The following BCKDHB variants were observed in gnomAD, a reference collection of about 807,000 sequenced individuals.
The protein encoded by BCKDHB is branched chain keto acid dehydrogenase E1 subunit beta, also known as 2-oxoisovalerate dehydrogenase subunit beta, mitochondrial.
A neutral mutation model predicts 48.5 loss-of-function variants in BCKDHB; 41 were observed. That is an observed-to-expected ratio of 0.85 (90% CI 0.66 to 1.10). The LOEUF is 1.10. BCKDHB is among the 50% of genes least tolerant of loss of function. The pLI is 0.00. For missense variants in BCKDHB, 496 were observed against 494.2 expected (o/e 1.00, Z -0.03); for synonymous variants, 201 against 174.8 (o/e 1.15, Z -1.18).
At chr6:80,454,841 GT>G in the BCKDHB span, among the ~76,000 whole-genome samples, 1 of 152,114 alleles carries the variant, frequency 6.6e-6, no homozygotes, top group Non-Finnish European at 1.5e-5. Flanking sequence ...GTCCTTTCTT[GT>G]TTATGCCCAA....
At chr6:80,279,185 G>A (rs1036824007) in intron 9 of BCKDHB, among the ~76,000 whole-genome samples, 8 of 151,548 alleles carry the variant, frequency 5.3e-5, no homozygotes, top group African/African-American at 1.2e-4. Flanking sequence ...TCTTGCTCTG[G>A]CTCCATCACC....
chr6:80,350,430 G>A (rs1770361706), downstream of BCKDHB, among the ~76,000 whole-genome samples: 1 of 151,794 alleles, frequency 6.6e-6, no homozygotes, highest in South Asian at 2.1e-4. Flanking sequence ...TCTGTATCCT[G>A]TGAAGGTTAA....
chr6:80,273,047 A>T, intron 8 of BCKDHB, 88 bp from the exon 9 acceptor site: 1 of 974,110 alleles, frequency 1.0e-6, no homozygotes, highest in East Asian at 2.6e-5. Flanking sequence ...GAATGTATAT[A>T]ATTTACTTTT....
rs143334310 is a variant in BCKDHB, at chr6:80,175,092, C to T, written c.742+3702C>T. Among the ~76,000 whole-genome samples, 271 of 152,176 alleles carry T rather than the reference C, an allele frequency of 1.8e-3. 1 individual carries two copies. The highest frequency in any genetic ancestry group is 6.0e-3 in the African/African-American group (251 of 41,506). Reference sequence around the variant, plus strand: ...GATAGTTCCTCAGTCATCAAGGTACCGGGCCTCTTCTCTCTGGTTACTGTG... The same window carrying T: ...GATAGTTCCTCAGTCATCAAGGTACTGGGCCTCTTCTCTCTGGTTACTGTG... On this transcript the variant is annotated intron_variant, in intron 6 of 9. Transcript: ENST00000320393.
At chr6:80,211,528 A>T (rs1774933095) in intron 8 of BCKDHB, among the ~76,000 whole-genome samples, 1 of 152,180 alleles carries the variant, frequency 6.6e-6, no homozygotes, top group Non-Finnish European at 1.5e-5. Flanking sequence ...AATCTGAGTC[A>T]TATCATGTTC....
chr6:80,385,325 C>CTAG, the BCKDHB span, among the ~76,000 whole-genome samples: 1 of 152,186 alleles, frequency 6.6e-6, no homozygotes, highest in African/African-American at 2.4e-5. Context: ...AGTGGCTGAC[C>CTAG]TGCAACTAAA....
At chr6:80,194,023 A>T (rs1774024270) in intron 6 of BCKDHB, among the ~76,000 whole-genome samples, 1 of 152,188 alleles carries the variant, frequency 6.6e-6, no homozygotes, top group African/African-American at 2.4e-5. Flanking sequence ...CATTTGTACT[A>T]GCATTTCCAA....
the BCKDHB span, among the ~76,000 whole-genome samples, chr6:80,398,696 GA>G: frequency 4.9e-4 from 71 of 144,274 alleles, no homozygotes; most frequent in Admixed American, 1.1e-3. Flanking sequence ...TAAAACTTTT[GA>G]AAAAAAAAAA....
At chr6:80,304,992 GAA>G (rs1165969192) in intron 9 of BCKDHB, among the ~76,000 whole-genome samples, 1 of 152,074 alleles carries the variant, frequency 6.6e-6, no homozygotes, top group Non-Finnish European at 1.5e-5. Context: ...CAGAAACCAT[GAA>G]ACCTACTGAA....
chr6:80,229,048 A>G (rs1274774795), intron 8 of BCKDHB, among the ~76,000 whole-genome samples: 1 of 152,220 alleles, frequency 6.6e-6, no homozygotes, highest in Non-Finnish European at 1.5e-5. Flanking sequence ...CATTCTCGTT[A>G]AAACTGTGTA....
At chr6:80,388,937 T>C in the BCKDHB span, among the ~76,000 whole-genome samples, 7 of 152,162 alleles carry the variant, frequency 4.6e-5, no homozygotes, top group Non-Finnish European at 8.8e-5. Context: ...AATGGCCAGA[T>C]GTGTGATTAT....
rs536926568 is a variant in BCKDHB, at chr6:80,196,293, G to C, written c.743-4641G>C. 7.2e-5 allele frequency among the ~76,000 whole-genome samples: 11 copies of C among 152,150 alleles called. No homozygotes were observed. The East Asian group carries it at 2.1e-3, about 29-fold the overall frequency. ...TACACAAGCATAAACATGGTTTCAC[G>C]CTTGTGTATACCTTTTCTTTCTTTA... On this transcript the variant is annotated intron_variant, in intron 6 of 9. Coordinates refer to ENST00000320393, the MANE Select transcript of BCKDHB (RefSeq NM_183050.4).
chr6:80,356,980 G>C, the BCKDHB span: 1 of 105,580 alleles, frequency 9.5e-6, no homozygotes, highest in African/African-American at 3.9e-5. Context: ...CGATTTGTTA[G>C]AAGGGAAGAT....
At chr6:80,186,287 G>A (rs1037266311) in intron 6 of BCKDHB, among the ~76,000 whole-genome samples, 1 of 152,102 alleles carries the variant, frequency 6.6e-6, no homozygotes, top group African/African-American at 2.4e-5. Context: ...GCCACTGTGG[G>A]TGATGTTCCG....
intron 6 of BCKDHB, among the ~76,000 whole-genome samples, chr6:80,179,231 A>G (rs770723634): frequency 6.6e-6 from 1 of 152,000 alleles, no homozygotes; most frequent in Non-Finnish European, 1.5e-5. Flanking sequence ...GAGAAACTCA[A>G]TTTTTGAGTT....
At chr6:80,413,531 G>A in the BCKDHB span, among the ~76,000 whole-genome samples, 1 of 152,018 alleles carries the variant, frequency 6.6e-6, no homozygotes, top group Non-Finnish European at 1.5e-5. Flanking sequence ...GCTCTTAATT[G>A]TAAGTGAGAA....
intron 9 of BCKDHB, among the ~76,000 whole-genome samples, chr6:80,293,419 C>T (rs114187563): frequency 1.3e-5 from 2 of 152,206 alleles, no homozygotes; most frequent in Non-Finnish European, 2.9e-5. Context: ...TGTGCCTTGG[C>T]CCCTTTTAGC....
At chr6:80,375,808 G>A in the BCKDHB span, among the ~76,000 whole-genome samples, 1 of 152,126 alleles carries the variant, frequency 6.6e-6, no homozygotes, top group Non-Finnish European at 1.5e-5. Context: ...TGGGACTCAT[G>A]GGCTACTGTT....
intron 8 of BCKDHB, among the ~76,000 whole-genome samples, chr6:80,211,781 TAAAG>T: frequency 6.6e-6 from 1 of 152,134 alleles, no homozygotes; most frequent in South Asian, 2.1e-4. Flanking sequence ...GGCTGAGAAA[TAAAG>T]AGAAAGAGTA....
Sources: allele counts gnomAD v4.1 joint callset (sites outside exome capture counted in the v4.1 genomes callset), GRCh38; gene constraint gnomAD v4.1.1; transcripts MANE v1.5; gene names NCBI Gene and HGNC (gene_info 2026-07-23, HGNC 2026-07-21).